The following APBB2 variants were observed in gnomAD, a reference collection of about 807,000 sequenced individuals.
The protein encoded by APBB2 is amyloid beta precursor protein binding family B member 2, also known as Fe65-like 1.
A neutral mutation model predicts 82.5 loss-of-function variants in APBB2; 38 were observed. The ratio of observed to expected loss-of-function variants is 0.46; its 90% CI spans 0.36 to 0.60. The LOEUF (loss-of-function observed/expected upper bound fraction) is 0.60, where lower values mean the gene tolerates loss of function less well. Ranked by LOEUF, APBB2 falls within the 20% of genes least tolerant of loss-of-function variation. APBB2 has a pLI of 0.00. For missense variants in APBB2, 772 were observed against 972.3 expected, an observed-to-expected ratio of 0.79 and a Z score of 2.74; for synonymous variants, 341 against 368.2, an observed-to-expected ratio of 0.93 and a Z score of 0.85.
intron 12 of APBB2, among the ~76,000 whole-genome samples, chr4:40,863,258 A>C (rs1763215626): frequency 6.6e-6 from 1 of 152,256 alleles, no homozygotes; most frequent in South Asian, 2.1e-4. Context: ...TGGATGTCAG[A>C]AGCATTCACC....
chr4:40,854,206 T>C (rs984467583), intron 12 of APBB2, among the ~76,000 whole-genome samples: 1 of 152,238 alleles, frequency 6.6e-6, no homozygotes, highest in Non-Finnish European at 1.5e-5. Context: ...TACTAGGTAC[T>C]ATGTTAGGGC....
At chr4:40,949,812 G>A (rs532972370) in intron 6 of APBB2, among the ~76,000 whole-genome samples, 1 of 152,274 alleles carries the variant, frequency 6.6e-6, no homozygotes, top group African/African-American at 2.4e-5. Context: ...CGTCTGCCAC[G>A]CACCCCCTTT....
At chr4:40,856,508 T>C (rs1454984433) in intron 12 of APBB2, among the ~76,000 whole-genome samples, 16 of 152,236 alleles carry the variant, frequency 1.1e-4, no homozygotes, top group African/African-American at 3.9e-4. Flanking sequence ...ACTAAAATCA[T>C]TTGGAAATGC....
intron 2 of APBB2, among the ~76,000 whole-genome samples, chr4:41,108,810 A>G (rs1460329084): frequency 6.6e-6 from 1 of 151,238 alleles, no homozygotes; most frequent in Admixed American, 6.6e-5. Context: ...AACAAACCCA[A>G]CCCCTTGTTT....
At chr4:40,831,226 T>C (rs1309500203) in intron 12 of APBB2, among the ~76,000 whole-genome samples, 1 of 152,098 alleles carries the variant, frequency 6.6e-6, no homozygotes, top group South Asian at 2.1e-4. Flanking sequence ...AGTGAAACTC[T>C]GTCTCTACTA....
intron 2 of APBB2, among the ~76,000 whole-genome samples, chr4:41,134,274 G>A (rs1756921687): frequency 1.3e-5 from 2 of 151,984 alleles, no homozygotes; most frequent in Admixed American, 1.3e-4. Context: ...GAGCCATCGT[G>A]CCCAGCCAGG....
intron 1 of APBB2, among the ~76,000 whole-genome samples, chr4:41,192,782 C>CA (rs1029534262): frequency 1.6e-4 from 24 of 151,742 alleles, no homozygotes; most frequent in African/African-American, 5.3e-4. Flanking sequence ...AAAAACAAAA[C>CA]AAAAAAAATG....
chr4:40,899,871 C>T (rs12512793), intron 10 of APBB2, among the ~76,000 whole-genome samples: 35,296 of 151,878 alleles, frequency 0.23, 5,034 homozygotes, highest in East Asian at 0.54. Flanking sequence ...GACCAGGGGC[C>T]AGGAGCCAGT....
chr4:41,108,890 GCCCATTCT>G (rs1263886714), intron 2 of APBB2, among the ~76,000 whole-genome samples: 2 of 152,030 alleles, frequency 1.3e-5, no homozygotes, highest in Non-Finnish European at 2.9e-5. Flanking sequence ...CTTCCCACTG[GCCCATTCT>G]TCATACCTTC....
chr4:40,841,241 C>A (rs1755704451), intron 12 of APBB2, among the ~76,000 whole-genome samples: 1 of 152,184 alleles, frequency 6.6e-6, no homozygotes, highest in South Asian at 2.1e-4. Context: ...AGCTCCCAAC[C>A]AGGCAGGGAG....
intron 7 of APBB2, among the ~76,000 whole-genome samples, chr4:40,940,817 A>G (rs1170672075): frequency 6.6e-6 from 1 of 152,234 alleles, no homozygotes; most frequent in Non-Finnish European, 1.5e-5. Flanking sequence ...AAGCCAATGG[A>G]TATTCATAAA....
intron 12 of APBB2, among the ~76,000 whole-genome samples, chr4:40,867,947 C>T (rs1393221798): frequency 6.6e-6 from 1 of 151,406 alleles, no homozygotes; most frequent in Non-Finnish European, 1.5e-5. Context: ...TAATTGCTAG[C>T]CCTCCTCCTA....
At chr4:40,955,572 C>T (rs191559154) in intron 6 of APBB2, among the ~76,000 whole-genome samples, 20 of 152,298 alleles carry the variant, frequency 1.3e-4, no homozygotes, top group Admixed American at 2.6e-4. Context: ...ATGTTATTCT[C>T]GACGGAGCTT....
intron 4 of APBB2, among the ~76,000 whole-genome samples, chr4:41,038,739 C>T (rs1358168433): frequency 6.6e-6 from 1 of 152,166 alleles, no homozygotes; most frequent in Non-Finnish European, 1.5e-5. Context: ...ATAATAACCC[C>T]TTTATTATCC....
chr4:41,140,246 T>G (rs1241194457), intron 2 of APBB2, among the ~76,000 whole-genome samples: 1 of 152,190 alleles, frequency 6.6e-6, no homozygotes, highest in Non-Finnish European at 1.5e-5. Context: ...AACAATTGTA[T>G]TCAGAGTAAA....
At chr4:41,002,146 G>A (rs1399666750) in intron 6 of APBB2, among the ~76,000 whole-genome samples, 1 of 152,110 alleles carries the variant, frequency 6.6e-6, no homozygotes, top group Admixed American at 6.6e-5. Context: ...AATTACAAGG[G>A]TAACTGGTAA....
chr4:40,857,758 C>T (rs929417802), intron 12 of APBB2, among the ~76,000 whole-genome samples: 2 of 151,696 alleles, frequency 1.3e-5, no homozygotes, highest in Admixed American at 6.6e-5. Flanking sequence ...GGGTGAGCCA[C>T]CGCACCAGGC....
chr4:40,853,026 C>A (rs1759974083), intron 12 of APBB2, among the ~76,000 whole-genome samples: 1 of 152,176 alleles, frequency 6.6e-6, no homozygotes, highest in South Asian at 2.1e-4. Context: ...GTTATTACTT[C>A]TATTAGCATG....
At position 40,947,015 on chromosome 4, in the gene APBB2, CT is replaced by C. The variant is rs560235250; in HGVS notation, c.836-1943del. 2.4e-4 allele frequency among the ~76,000 whole-genome samples: 36 copies of C among 152,342 alleles called. No individual in the cohort carries two copies. The South Asian group carries it at 5.6e-3, about 24-fold the overall frequency. ...CTCAAATTATGCTGGGAATTTCCCC[CT>C]GTCCCCACAGGGAGTGAAGCATAAT... On this transcript the variant is annotated intron_variant, in intron 6 of 17. Coordinates refer to ENST00000508593, the MANE Select transcript of APBB2 (RefSeq NM_004307.2).
Sources: allele counts gnomAD v4.1 joint callset (sites outside exome capture counted in the v4.1 genomes callset), GRCh38; gene constraint gnomAD v4.1.1; transcripts MANE v1.5; gene names NCBI Gene and HGNC (gene_info 2026-07-23, HGNC 2026-07-21).